Variants in LRRC4C observed in about 807,000 individuals in gnomAD.
The protein encoded by LRRC4C is leucine-rich repeat-containing protein 4C.
LRRC4C carries 5 observed loss-of-function variants against 33.6 expected under a neutral mutation model. The ratio of observed to expected loss-of-function variants is 0.15; its 90% CI spans 0.08 to 0.31. The LOEUF (loss-of-function observed/expected upper bound fraction) is 0.31. Among genes scored for constraint, LRRC4C ranks in the 10% least tolerant of loss-of-function variants. The pLI, the probability that LRRC4C is intolerant of heterozygous loss-of-function variation, is 1.00. For missense variants in LRRC4C, 560 were observed against 796.7 expected (o/e 0.70, Z 3.58); for synonymous variants, 329 against 302.0 (o/e 1.09, Z -0.93).
At chr11:40,124,198 A>T (rs1297133324) in intron 6 of LRRC4C, among the ~76,000 whole-genome samples, 1 of 152,132 alleles carries the variant, frequency 6.6e-6, no homozygotes, top group Non-Finnish European at 1.5e-5. Context: ...GGAAAAAGGG[A>T]ACTCTCAAAA....
At chr11:40,630,669 A>G (rs1424540138) in intron 3 of LRRC4C, among the ~76,000 whole-genome samples, 1 of 152,152 alleles carries the variant, frequency 6.6e-6, no homozygotes, top group Non-Finnish European at 1.5e-5. Flanking sequence ...GCATAATAAC[A>G]TCTCAGTATC....
intron 1 of LRRC4C, among the ~76,000 whole-genome samples, chr11:41,068,400 A>C (rs909730914): frequency 7.9e-5 from 12 of 151,700 alleles, no homozygotes; most frequent in East Asian, 1.9e-4. Context: ...CCTCCCCCCA[A>C]CAAAAAAAAA....
At chr11:41,395,341 G>A (rs1024490293) in intron 1 of LRRC4C, among the ~76,000 whole-genome samples, 1 of 151,922 alleles carries the variant, frequency 6.6e-6, no homozygotes, top group Non-Finnish European at 1.5e-5. Context: ...AGGTAGAAAT[G>A]CTGTATAACC....
chr11:41,147,652 T>C lies in LRRC4C; in HGVS notation c.-495-213929A>G, dbSNP rs1411421858. Among the ~76,000 whole-genome samples the C allele has an allele frequency of 2.6e-5, 4 of 152,202 alleles. No homozygotes were observed. In the East Asian group the frequency reaches 5.8e-4, roughly 22 times the overall value. On this transcript the variant is annotated intron_variant, in intron 1 of 6. Coordinates refer to ENST00000528697, the MANE Select transcript of LRRC4C (RefSeq NM_001258419.2). ...TGTATGCAATGTGAGAGACATGATA[T>C]TGATAGATTTTTTCACTACCTAAAC...
chr11:40,920,930 T>TC (rs1565204879), intron 2 of LRRC4C, among the ~76,000 whole-genome samples: 1 of 151,598 alleles, frequency 6.6e-6, no homozygotes, highest in African/African-American at 2.4e-5. Flanking sequence ...CAAGGTTTTT[T>TC]TTTTTTTTGA....
chr11:40,529,349 T>A (rs559516056), intron 3 of LRRC4C, among the ~76,000 whole-genome samples: 23 of 151,852 alleles, frequency 1.5e-4, no homozygotes, highest in Admixed American at 3.3e-4. Context: ...AATCTTTTTT[T>A]AAAAAAAAGA....
intron 2 of LRRC4C, among the ~76,000 whole-genome samples, chr11:40,872,198 C>T (rs1178231790): frequency 1.3e-5 from 2 of 152,082 alleles, no homozygotes; most frequent in African/African-American, 4.8e-5. Context: ...CCATGTCCAG[C>T]TCCCCTTCAT....
chr11:41,027,859 GT>G (rs1856480273), intron 1 of LRRC4C, among the ~76,000 whole-genome samples: 1 of 151,636 alleles, frequency 6.6e-6, no homozygotes, highest in South Asian at 2.1e-4. Flanking sequence ...GAATTATTTA[GT>G]TTTTCTTCAT....
rs112302796 is a variant in LRRC4C, at chr11:41,034,203, C to T, written c.-495-100480G>A. Among the ~76,000 whole-genome samples, 1,131 of 151,868 alleles carry T rather than the reference C, an allele frequency of 7.4e-3. 12 individuals carry two copies. Among genetic ancestry groups the T allele is most frequent in the African/African-American group, 0.026 (1,087 of 41,440 alleles). ...GAACAAGTCTTTATCCTGTGAGTGGCTTTATTATGAAAGCAAGCTCTCCCT... is the reference window on the plus strand; with the variant it reads ...GAACAAGTCTTTATCCTGTGAGTGGTTTTATTATGAAAGCAAGCTCTCCCT... On this transcript the variant is annotated intron_variant, in intron 1 of 6. Coordinates refer to ENST00000528697, the MANE Select transcript of LRRC4C (RefSeq NM_001258419.2).
chr11:40,624,472 G>A (rs1962746843), intron 3 of LRRC4C, among the ~76,000 whole-genome samples: 1 of 152,026 alleles, frequency 6.6e-6, no homozygotes, highest in African/African-American at 2.4e-5. Flanking sequence ...AATTACTCTG[G>A]TAACATTAGC....
intron 3 of LRRC4C, among the ~76,000 whole-genome samples, chr11:40,589,262 G>C (rs1385578061): frequency 1.3e-5 from 2 of 149,316 alleles, no homozygotes; most frequent in Admixed American, 6.7e-5. Context: ...GATCTTTGTT[G>C]GTTTAAAGTC....
chr11:40,936,046 A>ATC (rs1957876401), intron 1 of LRRC4C, among the ~76,000 whole-genome samples: 1 of 74,804 alleles, frequency 1.3e-5, no homozygotes. Context: ...ATATATATAT[A>ATC]TATATATATA....
Position 40,988,713 on chromosome 11 carries a change from CTT to C in LRRC4C, c.-495-54992_-495-54991del, listed in dbSNP as rs869034558. 8.1e-3 allele frequency among the ~76,000 whole-genome samples: 465 copies of C among 57,726 alleles called. 6 individuals carry two copies. Among genetic ancestry groups the C allele is most frequent in the African/African-American group, 0.019 (417 of 22,066 alleles). 37.9% of individuals were successfully genotyped at this position (57,726 alleles called of 152,430 possible). A position where few individuals can be genotyped will look rare whatever the true frequency, so the allele number is the denominator to read the frequency against. On this transcript the variant is annotated intron_variant, in intron 1 of 6. Coordinates refer to ENST00000528697, the MANE Select transcript of LRRC4C (RefSeq NM_001258419.2). ...CATTTGTTTTCCTTTCTTTTCTTTT[CTT>C]TTTTTTTTTTTTTTTTTTTGAGACA...
chr11:40,972,279 A>G (rs1851780583), intron 1 of LRRC4C, among the ~76,000 whole-genome samples: 1 of 151,852 alleles, frequency 6.6e-6, no homozygotes, highest in Non-Finnish European at 1.5e-5. Context: ...TGGGATTACA[A>G]GCATGTGCCA....
intron 2 of LRRC4C, among the ~76,000 whole-genome samples, chr11:40,815,607 C>T (rs761127584): frequency 6.6e-6 from 1 of 152,132 alleles, no homozygotes; most frequent in Non-Finnish European, 1.5e-5. Flanking sequence ...TCCTTTGTGG[C>T]TCCTTTTTTG....
At chr11:41,081,835 A>G (rs1444222165) in intron 1 of LRRC4C, among the ~76,000 whole-genome samples, 4 of 152,164 alleles carry the variant, frequency 2.6e-5, no homozygotes, top group Non-Finnish European at 5.9e-5. Context: ...AGAATGTGTC[A>G]TTATAATTCA....
chr11:41,195,180 C>A (rs1347689892), intron 1 of LRRC4C, among the ~76,000 whole-genome samples: 2 of 152,046 alleles, frequency 1.3e-5, no homozygotes, highest in African/African-American at 4.8e-5. Context: ...CAGGTTTTCT[C>A]TTTAGGTTAA....
chr11:40,138,326 A>T (rs2134930226), intron 6 of LRRC4C, among the ~76,000 whole-genome samples: 1 of 152,266 alleles, frequency 6.6e-6, no homozygotes, highest in East Asian at 1.9e-4. Context: ...GCATGCTACC[A>T]CACATGGCTG....
chr11:40,665,109 C>T (rs1456624646), intron 2 of LRRC4C, among the ~76,000 whole-genome samples: 1 of 150,978 alleles, frequency 6.6e-6, no homozygotes, highest in East Asian at 1.9e-4. Context: ...ATACTTTCAA[C>T]CTCATTTAAC....
Sources: allele counts gnomAD v4.1 joint callset (sites outside exome capture counted in the v4.1 genomes callset), GRCh38; gene constraint gnomAD v4.1.1; transcripts MANE v1.5; gene names NCBI Gene and HGNC (gene_info 2026-07-23, HGNC 2026-07-21).